Variants in DST observed in about 807,000 individuals in gnomAD.
DST encodes bullous pemphigoid antigen.
In DST, 253 loss-of-function variants were observed where a neutral mutation model predicts 875.2. That is an observed-to-expected ratio of 0.29 (90% confidence interval 0.26 to 0.32). DST has a LOEUF of 0.32. DST is among the 10% of genes least tolerant of loss of function. The probability of loss-of-function intolerance (pLI) is 1.00; values close to 1 mark genes in which losing one functional copy is unlikely to be tolerated. For synonymous variants in DST, 3,124 were observed against 3,197.1 expected, an observed-to-expected ratio of 0.98 and a Z score of 0.77; for missense variants, 8,287 against 9,111.6, an observed-to-expected ratio of 0.91 and a Z score of 3.68.
At chr6:56,524,972 C>G (rs2096771896) in intron 69 of DST, among the ~76,000 whole-genome samples, 2 of 151,976 alleles carry the variant, frequency 1.3e-5, no homozygotes, top group Admixed American at 1.3e-4. Flanking sequence ...CTTACACTGA[C>G]TTACTTTCCC....
At chr6:56,504,740 C>T (rs1402918428) in intron 77 of DST, among the ~76,000 whole-genome samples, 1 of 152,122 alleles carries the variant, frequency 6.6e-6, no homozygotes, top group Non-Finnish European at 1.5e-5. Flanking sequence ...GTCACCCAAG[C>T]TGGAGTGCAG....
Position 56,714,497 on chromosome 6 carries a change from TA to T in DST, c.688-10129del, listed in dbSNP as rs1309356012. On this transcript the variant is annotated intron_variant, in intron 5 of 103. Coordinates refer to ENST00000680361, the MANE Select transcript of DST (RefSeq NM_001374736.1). The surrounding 1 kb of genome is among the most constrained non-coding windows in gnomAD (Gnocchi z 4.5). The stretch of plus-strand genomic sequence containing the variant: ...GAGGTACTGCACTGATGTCTCTTAC[TA>T]AAGCTGAAATCTAAGTGGAAGTTAT... Among the ~76,000 whole-genome samples the T allele has an allele frequency of 3.4e-4, 52 of 152,314 alleles. No individual in the cohort carries two copies. Among genetic ancestry groups the T allele is most frequent in the African/African-American group, 1.2e-3 (50 of 41,566 alleles).
At chr6:56,770,785 G>A (rs963654295) in intron 4 of DST, among the ~76,000 whole-genome samples, 9 of 152,084 alleles carry the variant, frequency 5.9e-5, no homozygotes, top group African/African-American at 1.7e-4. Context: ...TGGATCGCCC[G>A]AGGTCAGGAG....
chr6:56,606,649 T>C lies in DST; in HGVS notation c.7979A>G (p.Asp2660Gly). 1 of 1,613,582 alleles carries C rather than the reference T, an allele frequency of 6.2e-7. No homozygotes were observed. Among genetic ancestry groups the C allele is most frequent in the Non-Finnish European group, 8.5e-7 (1 of 1,179,636 alleles). ...ETASPADVFY[D>G]VSKENENSMV... ...GGAATTTTCATTCTCTTTTGAGACA[T>C]CATAAAAAACATCAGCAGGAGAAGC... Residue 2660 changes from aspartate to glycine, a missense_variant, in exon 40 of 104, where the codon GAT becomes GGT. By Grantham distance (94) the Asp-to-Gly change is moderately conservative. Transcript: ENST00000680361.
chr6:56,581,767 T>C (rs753444238), intron 49 of DST, among the ~76,000 whole-genome samples: 3 of 152,232 alleles, frequency 2.0e-5, no homozygotes, highest in Non-Finnish European at 2.9e-5. Flanking sequence ...TCCTTGGCCA[T>C]GGGCCTAGCT....
intron 4 of DST, chr6:56,785,810 C>G (rs2099704190): frequency 6.3e-6 from 1 of 159,658 alleles, no homozygotes; most frequent in African/African-American, 2.4e-5. Context: ...TTCTGCGTCG[C>G]TCACGCTGGG....
chr6:56,679,591 T>C lies in DST; in HGVS notation c.1048-8784A>G, dbSNP rs945698466. Among the ~76,000 whole-genome samples, 19 of 141,298 alleles carry C rather than the reference T, an allele frequency of 1.3e-4. No homozygotes were observed. The East Asian group carries it at 2.8e-3, about 21-fold the overall frequency. The allele number at this position is 141,298 out of a possible 152,430, so 92.7% of individuals were successfully genotyped here. On this transcript the variant is annotated intron_variant, in intron 9 of 103. Coordinates refer to ENST00000680361, the MANE Select transcript of DST (RefSeq NM_001374736.1). ...CAGCCTGGGCAACATAGGAAGACTA[T>C]GTCTCATTAAAAAAAAAAAAAAAAA...
intron 3 of DST, among the ~76,000 whole-genome samples, chr6:56,893,148 GC>G (rs1375950664): frequency 5.3e-5 from 8 of 151,962 alleles, no homozygotes; most frequent in African/African-American, 1.9e-4. Context: ...TTTATCCCTC[GC>G]CCTCCTCATA....
intron 87 of DST, among the ~76,000 whole-genome samples, chr6:56,486,603 G>A (rs1000488662): frequency 2.6e-5 from 4 of 152,042 alleles, no homozygotes; most frequent in Non-Finnish European, 5.9e-5. Context: ...GAAATGTAAT[G>A]AGAAAGAGGG....
intron 69 of DST, among the ~76,000 whole-genome samples, chr6:56,522,120 C>G (rs2096719173): frequency 6.6e-6 from 1 of 152,054 alleles, no homozygotes; most frequent in South Asian, 2.1e-4. Flanking sequence ...TCTAAATATG[C>G]CTGAAAAACA....
Position 56,459,077 on chromosome 6 carries a change from C to A in DST, c.23385G>T (p.Ala7795=). ...GGGGCGTGGGGATTTTTGAAGGCTT[C>A]GCTGTGGATGGCCGAGAACCTGCTC... ...TPRAGSRPST[A]KPSKIPTPQR... Residue 7795 remains alanine, a synonymous_variant, in exon 104 of 104, where the codon GCG becomes GCT. Coordinates refer to ENST00000680361, the MANE Select transcript of DST (RefSeq NM_001374736.1). The A allele has an allele frequency of 6.2e-7, 1 of 1,613,814 alleles. No individual in the cohort carries two copies. The highest frequency in any genetic ancestry group is 2.2e-5 in the East Asian group (1 of 44,894).
chr6:56,946,683 C>T (rs1234811267), intron 2 of DST, among the ~76,000 whole-genome samples: 2 of 152,060 alleles, frequency 1.3e-5, no homozygotes, highest in East Asian at 1.9e-4. Context: ...CCAGTTAGTT[C>T]GTAGGTGCAA....
intron 15 of DST, among the ~76,000 whole-genome samples, chr6:56,644,472 G>A (rs1345354611): frequency 6.6e-6 from 1 of 152,076 alleles, no homozygotes; most frequent in African/African-American, 2.4e-5. Flanking sequence ...CTAATGTTGT[G>A]TCAGGCGCTG....
At chr6:56,703,771 T>C (rs535639004) in intron 6 of DST, 25 bp from the exon 7 acceptor site, 366 of 893,248 alleles carry the variant, frequency 4.1e-4, no homozygotes, top group Admixed American at 1.3e-3. Flanking sequence ...AGACAGAAGA[T>C]AGGACAGCAA....
intron 10 of DST, among the ~76,000 whole-genome samples, chr6:56,666,504 G>A (rs2099072975): frequency 6.6e-6 from 1 of 151,848 alleles, no homozygotes; most frequent in Non-Finnish European, 1.5e-5. Flanking sequence ...TGCTACATAG[G>A]GATAACCACA....
At position 56,635,621 on chromosome 6, in the gene DST, G is replaced by C. The variant is rs767323555; in HGVS notation, c.3154C>G (p.His1052Asp). 4.2e-5 allele frequency: 67 copies of C among 1,613,876 alleles called. 1 individual carries two copies. In the East Asian group the frequency reaches 1.5e-3, roughly 36 times the overall value. ...TCCTGAACAAGGTCTTCTAGCTTGT[G>C]AATGCTGCTTGATCTATCACAGCTG... ...KYSCDRSSSI[H>D]KLEDLVQESM... Residue 1052 changes from histidine (H) to aspartate (D), a missense_variant, in exon 24 of 104, where the codon CAC becomes GAC. By Grantham distance (81) the His-to-Asp change is moderately conservative. Around this residue, in one of 10 missense-constraint regions of DST, gnomAD observed 1,160 missense variants for 1,424.3 expected, o/e 0.81. Transcript: ENST00000680361.
At position 56,930,688 on chromosome 6, in the gene DST, T is replaced by C. The variant is rs372896513; in HGVS notation, c.216+23097A>G. 2.4e-4 allele frequency among the ~76,000 whole-genome samples: 37 copies of C among 152,338 alleles called. No homozygotes were observed. The South Asian group carries it at 6.4e-3, about 26-fold the overall frequency. ...TATCTTTATCTGAAGTGAATTGCTA[T>C]ATAAGACCTAATTTCCCATCACCAG... On this transcript the variant is annotated intron_variant, in intron 2 of 103. Transcript: ENST00000680361.
At chr6:56,712,954 CA>C (rs1411081980) in intron 5 of DST, among the ~76,000 whole-genome samples, 34 of 152,070 alleles carry the variant, frequency 2.2e-4, no homozygotes, top group Non-Finnish European at 3.5e-4. Flanking sequence ...GAGATGTATT[CA>C]AGTAAAAGCA....
chr6:56,634,718 G>T, intron 25 of DST, 83 bp downstream of exon 25: 1 of 1,599,104 alleles, frequency 6.3e-7, no homozygotes, highest in South Asian at 1.1e-5. Context: ...GGGAAATCTT[G>T]ATCACTAGTT....
Sources: gnomAD v4.1 joint callset for allele counts (sites outside exome capture counted in the v4.1 genomes callset) on GRCh38, gnomAD v4.1.1 for gene constraint, gnomAD v4.1.1 regional missense constraint, Gnocchi (gnomAD v3.1) non-coding constraint, MANE v1.5 for transcripts, NCBI Gene and HGNC (gene_info 2026-07-23, HGNC 2026-07-21) for gene names.